Variants in GLIS3 observed in about 807,000 individuals in gnomAD.
GLIS3 encodes GLIS family zinc finger 3, also known as zinc finger protein GLIS3.
GLIS3 carries 53 observed loss-of-function variants against 78.6 expected under a neutral mutation model. The ratio of observed to expected loss-of-function variants is 0.67; its 90% CI spans 0.54 to 0.85. GLIS3 has a LOEUF of 0.85. Ranked by LOEUF, GLIS3 falls within the 40% of genes least tolerant of loss-of-function variation. GLIS3 has a pLI of 0.00. For missense variants in GLIS3, 1,703 were observed against 1,231.1 expected (o/e 1.38, Z -5.74); for synonymous variants, 684 against 509.9 (o/e 1.34, Z -4.60).
chr9:4,345,939 A>G (rs1054055021), intron 2 of GLIS3, among the ~76,000 whole-genome samples: 15 of 152,234 alleles, frequency 9.9e-5, no homozygotes, highest in African/African-American at 3.6e-4. Flanking sequence ...TTAAATTCAA[A>G]AAGAATATTC....
At chr9:4,457,452 G>C in the GLIS3 span, among the ~76,000 whole-genome samples, 2 of 152,062 alleles carry the variant, frequency 1.3e-5, no homozygotes, top group Non-Finnish European at 2.9e-5. Context: ...TATTTAGTGA[G>C]CTCTAGCTGA....
intron 4 of GLIS3, among the ~76,000 whole-genome samples, chr9:4,068,969 G>A (rs913915694): frequency 1.3e-5 from 2 of 152,038 alleles, no homozygotes; most frequent in Non-Finnish European, 1.5e-5. Context: ...CAACCGTAAT[G>A]TAACCCCCTT....
At chr9:4,418,043 A>T in the GLIS3 span, among the ~76,000 whole-genome samples, 1 of 152,180 alleles carries the variant, frequency 6.6e-6, no homozygotes, top group Non-Finnish European at 1.5e-5. Context: ...AGTCATTGTG[A>T]TAATCAAAAA....
chr9:4,288,491 G>A (rs999227302), intron 1 of GLIS3, among the ~76,000 whole-genome samples: 2 of 22,512 alleles, frequency 8.9e-5, no homozygotes, highest in African/African-American at 5.9e-5. Context: ...AAATAAAGGA[G>A]TCATTTTTTT....
At chr9:4,276,316 G>T (rs1027161009) in intron 2 of GLIS3, among the ~76,000 whole-genome samples, 1 of 129,412 alleles carries the variant, frequency 7.7e-6, no homozygotes, top group Non-Finnish European at 1.7e-5. Flanking sequence ...AGAAAATGGA[G>T]GGGAGGGGAG....
At chr9:3,979,095 G>C (rs190432009) in intron 4 of GLIS3, among the ~76,000 whole-genome samples, 18 of 152,164 alleles carry the variant, frequency 1.2e-4, no homozygotes, top group Admixed American at 8.5e-4. Context: ...TGGATACTTA[G>C]GGAAAACCAT....
chr9:4,161,675 C>CT (rs55904647), intron 2 of GLIS3, among the ~76,000 whole-genome samples: 98,391 of 113,934 alleles, frequency 0.86, 43,583 homozygotes, highest in South Asian at 0.96. Context: ...TGCTAGAAGT[C>CT]TTTTTTTTTT....
intron 9 of GLIS3, among the ~76,000 whole-genome samples, chr9:3,837,340 C>G (rs1198550770): frequency 6.6e-6 from 1 of 152,158 alleles, no homozygotes; most frequent in African/African-American, 2.4e-5. Context: ...ATGGTACAGC[C>G]ACTTTAGAAG....
At chr9:4,271,567 G>T (rs1450221948) in intron 2 of GLIS3, among the ~76,000 whole-genome samples, 1 of 152,156 alleles carries the variant, frequency 6.6e-6, no homozygotes, top group Non-Finnish European at 1.5e-5. Flanking sequence ...AGCAGCATAA[G>T]CAAGTGGCAT....
At chr9:4,039,890 A>T (rs901997139) in intron 4 of GLIS3, among the ~76,000 whole-genome samples, 1 of 152,196 alleles carries the variant, frequency 6.6e-6, no homozygotes, top group Non-Finnish European at 1.5e-5. Context: ...AGTGCACAGT[A>T]TAAATTGGAG....
chr9:4,410,706 G>A, the GLIS3 span, among the ~76,000 whole-genome samples: 1 of 152,160 alleles, frequency 6.6e-6, no homozygotes, highest in Non-Finnish European at 1.5e-5. Flanking sequence ...CGTTGTCAAG[G>A]ATACTCAACT....
the GLIS3 span, among the ~76,000 whole-genome samples, chr9:4,362,933 A>G: frequency 6.6e-6 from 1 of 152,122 alleles, no homozygotes; most frequent in African/African-American, 2.4e-5. Flanking sequence ...AGAGATGAAG[A>G]AGGTAGCAAG....
intron 2 of GLIS3, among the ~76,000 whole-genome samples, chr9:4,134,806 G>A (rs1325122351): frequency 6.6e-6 from 1 of 152,184 alleles, no homozygotes; most frequent in Non-Finnish European, 1.5e-5. Flanking sequence ...AATAAGCGGG[G>A]ATGAGTAGTT....
chr9:4,082,752 C>G (rs920325018), intron 4 of GLIS3, among the ~76,000 whole-genome samples: 2 of 152,198 alleles, frequency 1.3e-5, no homozygotes, highest in African/African-American at 4.8e-5. Flanking sequence ...CTTTGTAACT[C>G]TCCACTCTTT....
chr9:3,997,185 A>G (rs926564452), intron 4 of GLIS3, among the ~76,000 whole-genome samples: 3 of 152,078 alleles, frequency 2.0e-5, no homozygotes, highest in African/African-American at 7.2e-5. Flanking sequence ...CGTCTCTACT[A>G]AAAATACAAA....
At chr9:4,155,033 A>G (rs1317476862) in intron 2 of GLIS3, among the ~76,000 whole-genome samples, 2 of 152,218 alleles carry the variant, frequency 1.3e-5, no homozygotes, top group Non-Finnish European at 2.9e-5. Flanking sequence ...TATTTAGAAT[A>G]AGGCACAAGA....
intron 2 of GLIS3, among the ~76,000 whole-genome samples, chr9:4,166,244 G>A (rs1332680254): frequency 1.3e-5 from 2 of 152,184 alleles, no homozygotes; most frequent in Non-Finnish European, 2.9e-5. Flanking sequence ...GAGGCAAATA[G>A]GAATTGAAGA....
chr9:4,108,645 A>G (rs954967451), intron 4 of GLIS3, among the ~76,000 whole-genome samples: 1 of 152,190 alleles, frequency 6.6e-6, no homozygotes, highest in Non-Finnish European at 1.5e-5. Context: ...CAGTGACAAT[A>G]TATCTCACCA....
At chr9:4,344,816 G>C (rs1817878183) in intron 2 of GLIS3, among the ~76,000 whole-genome samples, 1 of 152,066 alleles carries the variant, frequency 6.6e-6, no homozygotes, top group South Asian at 2.1e-4. Context: ...CATTTCCTAA[G>C]GCCAAAATTC....
Sources: gnomAD v4.1 joint callset for allele counts (sites outside exome capture counted in the v4.1 genomes callset) on GRCh38, gnomAD v4.1.1 for gene constraint, MANE v1.5 for transcripts, NCBI Gene and HGNC (gene_info 2026-07-23, HGNC 2026-07-21) for gene names.